Variants in GOLM1 observed in about 807,000 individuals in gnomAD.
GOLM1 encodes epididymis luminal protein 46.
In GOLM1, 31 loss-of-function variants were observed where a neutral mutation model predicts 50.5. The ratio of observed to expected loss-of-function variants is 0.61; its 90% CI spans 0.46 to 0.83. The LOEUF (loss-of-function observed/expected upper bound fraction) is 0.83, where lower values mean the gene tolerates loss of function less well. GOLM1 is among the 40% of genes least tolerant of loss of function. The pLI, the probability that GOLM1 is intolerant of heterozygous loss-of-function variation, is 0.00. For synonymous variants in GOLM1, 178 were observed against 192.8 expected (o/e 0.92, Z 0.64); for missense variants, 491 against 501.3 (o/e 0.98, Z 0.20).
At chr9:86,092,247 G>A (rs916318086) in intron 1 of GOLM1, among the ~76,000 whole-genome samples, 5 of 152,200 alleles carry the variant, frequency 3.3e-5, no homozygotes, top group Non-Finnish European at 2.9e-5. Context: ...CAACTATTAG[G>A]GATGGAAAGA....
chr9:86,083,390 G>C, intron 1 of GOLM1, among the ~76,000 whole-genome samples: 1 of 152,126 alleles, frequency 6.6e-6, no homozygotes, highest in East Asian at 1.9e-4. Context: ...ACTAATTTTT[G>C]TTTGTTTTTC....
At chr9:86,073,524 T>C (rs1041863861) in intron 3 of GOLM1, among the ~76,000 whole-genome samples, 4 of 152,174 alleles carry the variant, frequency 2.6e-5, no homozygotes, top group Non-Finnish European at 5.9e-5. Context: ...AGAGACTTAC[T>C]TTCAGGGGGG....
chr9:86,027,107 A>G lies in GOLM1; in HGVS notation c.*710T>C. The G allele has an allele frequency of 1.5e-5, 15 of 984,758 alleles. No individual in the cohort carries two copies. Among genetic ancestry groups the G allele is most frequent in the Non-Finnish European group, 1.8e-5 (15 of 829,918 alleles). The allele number at this position is 984,758 out of a possible 1,614,324, so 61.0% of individuals were successfully genotyped here. ...TTAGGGAAGATGTTGCTTTGCCCACACACGAAGCAAAGTAAATAAAGACCA... is the reference window on the plus strand; with the variant it reads ...TTAGGGAAGATGTTGCTTTGCCCACGCACGAAGCAAAGTAAATAAAGACCA... On this transcript the variant is annotated 3_prime_UTR_variant, in exon 10 of 10. Transcript: ENST00000388712.
chr9:86,052,759 G>A (rs1197589585), intron 3 of GOLM1, among the ~76,000 whole-genome samples, 168 bp from the exon 4 acceptor site: 1 of 152,114 alleles, frequency 6.6e-6, no homozygotes, highest in African/African-American at 2.4e-5. Flanking sequence ...CTGCTGAAAA[G>A]GAACAGGCCG....
At chr9:86,049,303 G>A (rs577699230) in intron 4 of GOLM1, among the ~76,000 whole-genome samples, 11 of 152,302 alleles carry the variant, frequency 7.2e-5, no homozygotes, top group South Asian at 2.1e-4. Context: ...GTCACGTAGC[G>A]TAATGCCTCC....
In GOLM1 at chr9:86,027,398, G is replaced by A; in HGVS notation, c.*419C>T. 1 of 994,984 alleles carries A rather than the reference G, an allele frequency of 1.0e-6. No homozygotes were observed. The highest frequency in any genetic ancestry group is 1.2e-6 in the Non-Finnish European group (1 of 836,344). The allele number at this position is 994,984 out of a possible 1,614,324, so 61.6% of individuals were successfully genotyped here. ...AGGTAACAGGCTGGCACCAGCACTT[G>A]GTACAGCACGTGGACAGGACGACGG... On this transcript the variant is annotated 3_prime_UTR_variant, in exon 10 of 10. Transcript: ENST00000388712.
intron 3 of GOLM1, among the ~76,000 whole-genome samples, chr9:86,068,542 C>G (rs888483327): frequency 1.3e-5 from 2 of 152,320 alleles, no homozygotes; most frequent in Non-Finnish European, 1.5e-5. Context: ...CTGCCCAGGT[C>G]TCAGGTGACA....
In GOLM1 at chr9:86,035,878, C is replaced by A. The variant is rs12343086; in HGVS notation, c.758-253G>T. ...AAAAGTAGCTTACCAAAAAAAAAAA[C>A]AAAACAAAAAAAAAAAAACACCTGG... On this transcript the variant is annotated intron_variant, in intron 7 of 9. Transcript: ENST00000388712. Among the ~76,000 whole-genome samples, 15,790 of 99,176 alleles carry A rather than the reference C, an allele frequency of 0.16. 2,169 individuals carry two copies. Among genetic ancestry groups the A allele is most frequent in the African/African-American group, 0.39 (8,111 of 20,802 alleles). 65.1% of individuals were successfully genotyped at this position (99,176 alleles called of 152,430 possible). A position where few individuals can be genotyped will look rare whatever the true frequency, so the allele number is the denominator to read the frequency against.
chr9:86,048,162 T>C (rs1360945065), intron 4 of GOLM1, among the ~76,000 whole-genome samples: 1 of 151,954 alleles, frequency 6.6e-6, no homozygotes, highest in Non-Finnish European at 1.5e-5. Context: ...CTCAGAATGA[T>C]GGTTTCCAGC....
At chr9:86,028,949 C>A (rs563089062) in intron 9 of GOLM1, among the ~76,000 whole-genome samples, 1 of 151,260 alleles carries the variant, frequency 6.6e-6, no homozygotes, top group African/African-American at 2.4e-5. Flanking sequence ...CCGGGGTTCA[C>A]GCCATTCTCC....
intron 5 of GOLM1, among the ~76,000 whole-genome samples, chr9:86,043,129 G>A (rs7020338): frequency 6.6e-6 from 1 of 152,164 alleles, no homozygotes; most frequent in Non-Finnish European, 1.5e-5. Context: ...TACTTTATAT[G>A]CCAGTGTCAA....
In GOLM1 at chr9:86,046,450, G is replaced by T. The variant is rs368914992; in HGVS notation, c.467+20C>A. 22 of 1,453,934 alleles carry T rather than the reference G, an allele frequency of 1.5e-5. No homozygotes were observed. The highest frequency in any genetic ancestry group is 2.1e-5 in the Non-Finnish European group (22 of 1,034,240). The allele number at this position is 1,453,934 out of a possible 1,614,324, so 90.1% of individuals were successfully genotyped here. A position where few individuals can be genotyped will look rare whatever the true frequency, so the allele number is the denominator to read the frequency against. On this transcript the variant is annotated intron_variant, in intron 5 of 9. Transcript: ENST00000388712. ...TGCCGTGCACCCTGCACTGTGGCAC[G>T]CGCTCTGAGGTGTACTCACAGGTCG... is the stretch of plus-strand genomic sequence containing the variant.
chr9:86,088,420 GTATATA>G (rs71505775), intron 1 of GOLM1, among the ~76,000 whole-genome samples: 3,755 of 86,190 alleles, frequency 0.044, 181 homozygotes, highest in African/African-American at 0.1. Context: ...TTTGAAGGGT[GTATATA>G]TATATATATA....
At chr9:86,072,048 AAAGC>A (rs1834461375) in intron 3 of GOLM1, among the ~76,000 whole-genome samples, 1 of 152,246 alleles carries the variant, frequency 6.6e-6, no homozygotes, top group Admixed American at 6.5e-5. Flanking sequence ...GTGACTACAA[AAAGC>A]AAGTTATAAA....
chr9:86,043,610 C>T (rs1432957411), intron 5 of GOLM1, among the ~76,000 whole-genome samples: 1 of 152,142 alleles, frequency 6.6e-6, no homozygotes, highest in African/African-American at 2.4e-5. Context: ...TCCAACACTC[C>T]ACGAACATTA....
chr9:86,099,165 G>A (rs1835449048), intron 1 of GOLM1, among the ~76,000 whole-genome samples: 2 of 152,186 alleles, frequency 1.3e-5, no homozygotes, highest in African/African-American at 4.8e-5. Flanking sequence ...GCAGGGCAAG[G>A]GGGCCGCGCG....
chr9:86,034,562 C>A (rs181097275), intron 8 of GOLM1, among the ~76,000 whole-genome samples: 1 of 152,152 alleles, frequency 6.6e-6, no homozygotes, highest in Non-Finnish European at 1.5e-5. Context: ...TGGGTGAGCA[C>A]GGAACACAAG....
intron 3 of GOLM1, among the ~76,000 whole-genome samples, chr9:86,060,441 G>A (rs1444525341): frequency 1.3e-5 from 2 of 152,058 alleles, no homozygotes; most frequent in Admixed American, 1.3e-4. Flanking sequence ...ACTCCCAAAT[G>A]CTTCATGCCT....
At chr9:86,062,202 G>C (rs572919566) in intron 3 of GOLM1, among the ~76,000 whole-genome samples, 1 of 152,254 alleles carries the variant, frequency 6.6e-6, no homozygotes, top group African/African-American at 2.4e-5. Context: ...GAGAGTGCAG[G>C]ATGCTCCCAG....
Sources: allele counts gnomAD v4.1 joint callset (sites outside exome capture counted in the v4.1 genomes callset), GRCh38; gene constraint gnomAD v4.1.1; transcripts MANE v1.5; gene names NCBI Gene and HGNC (gene_info 2026-07-23, HGNC 2026-07-21).